The following KCNB2 variants were observed in gnomAD, a reference collection of about 807,000 sequenced individuals.
The protein encoded by KCNB2 is potassium voltage-gated channel subfamily B member 2, also known as delayed rectifier potassium channel protein.
In KCNB2, 15 loss-of-function variants were observed where a neutral mutation model predicts 61.5. That is an observed-to-expected ratio of 0.24 (90% CI 0.16 to 0.38). KCNB2 has a LOEUF of 0.38. KCNB2 is among the 10% of genes least tolerant of loss of function. The pLI is 1.00. For synonymous variants in KCNB2, 457 were observed against 446.0 expected (o/e 1.02, Z -0.31); for missense variants, 828 against 1,125.2 (o/e 0.74, Z 3.78).
At chr8:72,817,444 G>T (rs1289188727) in intron 2 of KCNB2, among the ~76,000 whole-genome samples, 2 of 152,114 alleles carry the variant, frequency 1.3e-5, no homozygotes, top group East Asian at 3.8e-4. Flanking sequence ...TTCTGTAATG[G>T]CTTTGGAGCA....
chr8:72,892,121 A>G (rs948005743), intron 2 of KCNB2, among the ~76,000 whole-genome samples: 1 of 152,152 alleles, frequency 6.6e-6, no homozygotes, highest in African/African-American at 2.4e-5. Context: ...CAGGAGAGGA[A>G]ATCTGAAGTT....
chr8:72,676,371 C>G (rs1269973057), intron 2 of KCNB2, among the ~76,000 whole-genome samples: 2 of 151,964 alleles, frequency 1.3e-5, no homozygotes, highest in Non-Finnish European at 2.9e-5. Flanking sequence ...TATTTCTTCT[C>G]TCCCAAAAGC....
At chr8:72,724,707 A>T (rs1208936254) in intron 2 of KCNB2, among the ~76,000 whole-genome samples, 1 of 152,198 alleles carries the variant, frequency 6.6e-6, no homozygotes, top group African/African-American at 2.4e-5. Flanking sequence ...TCTGAAGTTC[A>T]AAGTTAACGA....
intron 2 of KCNB2, among the ~76,000 whole-genome samples, chr8:72,657,749 C>T (rs1438413253): frequency 4.6e-5 from 7 of 151,970 alleles, no homozygotes; most frequent in Non-Finnish European, 8.8e-5. Context: ...AGGAGAGACT[C>T]GTTAAATAGT....
At chr8:72,739,385 G>T (rs142573404) in intron 2 of KCNB2, among the ~76,000 whole-genome samples, 1 of 152,070 alleles carries the variant, frequency 6.6e-6, no homozygotes, top group Non-Finnish European at 1.5e-5. Context: ...AGGGGAATTA[G>T]ACGAGTAGAG....
intron 2 of KCNB2, among the ~76,000 whole-genome samples, chr8:72,928,315 C>T (rs1012791120): frequency 3.3e-5 from 5 of 151,624 alleles, no homozygotes; most frequent in African/African-American, 1.2e-4. Context: ...GCTTCAGTCA[C>T]CCAAGTAGCT....
chr8:72,680,289 TCA>T (rs772567076), intron 2 of KCNB2, among the ~76,000 whole-genome samples: 1 of 152,100 alleles, frequency 6.6e-6, no homozygotes, highest in Non-Finnish European at 1.5e-5. Context: ...ATGGAGAACC[TCA>T]GTTTGAGGGA....
At chr8:72,592,534 G>A (rs796977493) in intron 2 of KCNB2, among the ~76,000 whole-genome samples, 166 of 152,086 alleles carry the variant, frequency 1.1e-3, no homozygotes, top group African/African-American at 3.7e-3. Context: ...CTTTGGGGCT[G>A]CTCACAAGTA....
intron 2 of KCNB2, among the ~76,000 whole-genome samples, chr8:72,649,415 A>G (rs1365015343): frequency 6.6e-6 from 1 of 152,134 alleles, no homozygotes; most frequent in Non-Finnish European, 1.5e-5. Flanking sequence ...AGGATATAAA[A>G]ATGGCAACAA....
chr8:72,917,684 A>G (rs959921991), intron 2 of KCNB2, among the ~76,000 whole-genome samples: 8 of 152,232 alleles, frequency 5.3e-5, no homozygotes, highest in African/African-American at 1.9e-4. Context: ...GTGGTCCCTT[A>G]TACCAAAATA....
intron 2 of KCNB2, among the ~76,000 whole-genome samples, chr8:72,931,855 A>C (rs1042604956): frequency 2.6e-5 from 4 of 152,212 alleles, no homozygotes; most frequent in Non-Finnish European, 4.4e-5. Flanking sequence ...GCTACTAAAA[A>C]TACAAAAATT....
intron 2 of KCNB2, among the ~76,000 whole-genome samples, chr8:72,681,848 G>A (rs1314859251): frequency 2.0e-5 from 3 of 152,026 alleles, no homozygotes; most frequent in African/African-American, 7.3e-5. Flanking sequence ...GATCTTATGG[G>A]ACCACCATCA....
intron 2 of KCNB2, among the ~76,000 whole-genome samples, chr8:72,685,026 A>G (rs190410087): frequency 6.6e-6 from 1 of 152,328 alleles, no homozygotes; most frequent in East Asian, 1.9e-4. Context: ...AATTTCACTA[A>G]GGCAAGGAAA....
intron 2 of KCNB2, among the ~76,000 whole-genome samples, chr8:72,882,806 A>G (rs1316595311): frequency 6.6e-6 from 1 of 152,224 alleles, no homozygotes; most frequent in African/African-American, 2.4e-5. Flanking sequence ...TATTATTTTA[A>G]GATATGTTCA....
chr8:72,628,715 T>A (rs1398742779), intron 2 of KCNB2, among the ~76,000 whole-genome samples: 1 of 152,120 alleles, frequency 6.6e-6, no homozygotes, highest in African/African-American at 2.4e-5. Context: ...CATTCTTATA[T>A]CTAGCTAAAT....
intron 2 of KCNB2, among the ~76,000 whole-genome samples, chr8:72,888,938 T>C (rs889232819): frequency 6.6e-6 from 1 of 152,158 alleles, no homozygotes; most frequent in Non-Finnish European, 1.5e-5. Context: ...TCTTATGAAA[T>C]TTGGGATTCA....
intron 2 of KCNB2, among the ~76,000 whole-genome samples, chr8:72,605,220 T>C (rs1805425177): frequency 6.6e-6 from 1 of 152,204 alleles, no homozygotes; most frequent in Non-Finnish European, 1.5e-5. Context: ...ACAGCTGTGC[T>C]CATTACCAAG....
In KCNB2 at chr8:72,828,745, T is replaced by A. The variant is rs191862430; in HGVS notation, c.580-107190T>A. 1.5e-3 allele frequency among the ~76,000 whole-genome samples: 234 copies of A among 152,338 alleles called. 3 individuals are homozygous for A. Among genetic ancestry groups the A allele is most frequent in the South Asian group, 0.015 (73 of 4,830 alleles). On this transcript the variant is annotated intron_variant, in intron 2 of 2. Coordinates refer to ENST00000523207, the MANE Select transcript of KCNB2 (RefSeq NM_004770.3). ...GATGCTATAATCACGCGTTCTTTAATTCTTTAAGCCTAGAAAGTCCTTTAC... is the reference window on the plus strand; with the variant it reads ...GATGCTATAATCACGCGTTCTTTAAATCTTTAAGCCTAGAAAGTCCTTTAC...
chr8:72,619,743 A>G (rs1186277805), intron 2 of KCNB2, among the ~76,000 whole-genome samples: 1 of 152,200 alleles, frequency 6.6e-6, no homozygotes, highest in African/African-American at 2.4e-5. Flanking sequence ...GAGTTTCTCA[A>G]TATTTCACAG....
Sources: allele counts gnomAD v4.1 joint callset (sites outside exome capture counted in the v4.1 genomes callset), GRCh38; gene constraint gnomAD v4.1.1; transcripts MANE v1.5; gene names NCBI Gene and HGNC (gene_info 2026-07-23, HGNC 2026-07-21).